The following HERC2 variants were observed in gnomAD, a reference collection of about 807,000 sequenced individuals.
The protein encoded by HERC2 is HECT and RLD domain containing E3 ubiquitin protein ligase 2.
A neutral mutation model predicts 537.7 loss-of-function variants in HERC2; 102 were observed. The observed-to-expected ratio is 0.19, with a 90% CI of 0.16 to 0.22. The LOEUF is 0.22. Ranked by LOEUF, HERC2 falls within the 10% of genes least tolerant of loss-of-function variation. HERC2 has a pLI of 1.00. For missense variants in HERC2, 4,236 were observed against 6,198.2 expected, an observed-to-expected ratio of 0.68 and a Z score of 10.63; for synonymous variants, 2,224 against 2,466.2, an observed-to-expected ratio of 0.90 and a Z score of 2.91.
intron 35 of HERC2, among the ~76,000 whole-genome samples, chr15:28,223,715 C>T (rs541343841): frequency 5.9e-5 from 9 of 152,328 alleles, no homozygotes; most frequent in Admixed American, 2.0e-4. Flanking sequence ...TGGATGTATA[C>T]ATTAAGCTGG....
rs1222467607 is a variant in HERC2 at position 28,322,129 on chromosome 15, A to C, written c.-86T>G. On this transcript the variant is annotated 5_prime_UTR_variant, in exon 1 of 93. Transcript: ENST00000261609. ...CGCCGGCGCGCGGACGCAGCCTCCCAAGAGCCGCTGGCTCAGCCGGCGCCC... is the reference window on the plus strand; with the variant it reads ...CGCCGGCGCGCGGACGCAGCCTCCCCAGAGCCGCTGGCTCAGCCGGCGCCC... The C allele has an allele frequency of 4.2e-5, 3 of 71,700 alleles. No homozygotes were observed. Among genetic ancestry groups the C allele is most frequent in the African/African-American group, 1.9e-4 (3 of 15,630 alleles). The allele number at this position is 71,700 out of a possible 1,614,324, so 4.4% of individuals were successfully genotyped here. A position where few individuals can be genotyped will look rare whatever the true frequency, so the allele number is the denominator to read the frequency against.
At position 28,299,383 on chromosome 15, in the gene HERC2, A is replaced by T. The variant is rs369820699; in HGVS notation, c.187+19T>A. ...TAATGGTCTTTACCAAATAAAAAAC[A>T]CTAGTTAAAGGCCCTTACCTTTTCT... On this transcript the variant is annotated intron_variant, in intron 3 of 92. Coordinates refer to ENST00000261609, the MANE Select transcript of HERC2 (RefSeq NM_004667.6). 49 of 1,037,310 alleles carry T rather than the reference A, an allele frequency of 4.7e-5. No individual in the cohort carries two copies. The highest frequency in any genetic ancestry group is 5.0e-4 in the Middle Eastern group (2 of 4,020). The allele number at this position is 1,037,310 out of a possible 1,614,324, so 64.3% of individuals were successfully genotyped here.
intron 23 of HERC2, among the ~76,000 whole-genome samples, chr15:28,239,997 G>C (rs1217741870): frequency 6.6e-6 from 1 of 152,112 alleles, no homozygotes; most frequent in Non-Finnish European, 1.5e-5. Context: ...AACATGGATT[G>C]CATGTTAGAT....
At chr15:28,295,062 A>G (rs1484087437) in intron 3 of HERC2, among the ~76,000 whole-genome samples, 7 of 151,700 alleles carry the variant, frequency 4.6e-5, no homozygotes, top group African/African-American at 1.2e-4. Flanking sequence ...TAAAACCACA[A>G]TGAGATCCCA....
intron 44 of HERC2, among the ~76,000 whole-genome samples, chr15:28,207,102 CA>C (rs2140382288): frequency 6.6e-6 from 1 of 151,672 alleles, no homozygotes; most frequent in African/African-American, 2.4e-5. Flanking sequence ...TTAGAGCCAG[CA>C]AATGCTCCTT....
chr15:28,292,206 G>A (rs1197963332), intron 4 of HERC2, among the ~76,000 whole-genome samples: 1 of 140,292 alleles, frequency 7.1e-6, no homozygotes, highest in Admixed American at 7.3e-5. Flanking sequence ...TCCAGCCTGG[G>A]CAACAAGAGC....
At chr15:28,307,094 C>T (rs1305184892) in intron 2 of HERC2, among the ~76,000 whole-genome samples, 3 of 152,244 alleles carry the variant, frequency 2.0e-5, no homozygotes, top group African/African-American at 7.2e-5. Context: ...CTCAGCCTCC[C>T]AAAGTGCTGG....
chr15:28,159,973 C>A (rs1295049917), intron 69 of HERC2, among the ~76,000 whole-genome samples: 1 of 152,228 alleles, frequency 6.6e-6, no homozygotes, highest in African/African-American at 2.4e-5. Context: ...AGCTGCAGGT[C>A]TGTTGGAGTT....
chr15:28,311,889 C>T (rs2076955476), intron 2 of HERC2, among the ~76,000 whole-genome samples: 1 of 151,976 alleles, frequency 6.6e-6, no homozygotes, highest in Non-Finnish European at 1.5e-5. Flanking sequence ...AAAAAAAAGC[C>T]AAAAGATGGA....
At position 28,114,667 on chromosome 15, in the gene HERC2, T is replaced by C. The variant is rs1335115516; in HGVS notation, c.13858A>G (p.Thr4620Ala). ...GCGCGGTTGTCCAGGGTGATGTGTG[T>C]GTGCTTGGAGCTCAACTGAATGTCC... ...GQDIQLSSKH[T>A]HITLDNRAEY... The change falls in exon 90 of 93, where the codon ACA (threonine) becomes GCA (alanine). Residue 4620 changes from threonine to alanine, a missense_variant. Physicochemically the swap from Thr to Ala is moderately conservative, Grantham distance 58 (BLOSUM62 0). Coordinates refer to ENST00000261609, the MANE Select transcript of HERC2 (RefSeq NM_004667.6). The C allele has an allele frequency of 1.9e-6, 3 of 1,613,964 alleles. No homozygotes were observed. The highest frequency in any genetic ancestry group is 1.6e-4 in the Middle Eastern group (1 of 6,078).
At chr15:28,185,689 C>A (rs1896242370) in intron 56 of HERC2, among the ~76,000 whole-genome samples, 1 of 152,178 alleles carries the variant, frequency 6.6e-6, no homozygotes, top group African/African-American at 2.4e-5. Flanking sequence ...CAGAAACGCC[C>A]TTGCCTGTCC....
At position 28,177,619 on chromosome 15, in the gene HERC2, G is replaced by T; in HGVS notation, c.9164-110C>A. The T allele has an allele frequency of 1.1e-6, 1 of 894,948 alleles. No individual in the cohort carries two copies. Among genetic ancestry groups the T allele is most frequent in the Non-Finnish European group, 1.8e-6 (1 of 546,132 alleles). 55.4% of individuals were successfully genotyped at this position (894,948 alleles called of 1,614,324 possible). On this transcript the variant is annotated intron_variant, in intron 59 of 92. Coordinates refer to ENST00000261609, the MANE Select transcript of HERC2 (RefSeq NM_004667.6). This position sits in a 1 kb window ranked among gnomAD's most constrained non-coding sequence, Gnocchi z 5.0. ...TATAGCACACACTCAATGAGCGTGA[G>T]CTGAATAAATGAGTAACTCAACAGG... is the stretch of plus-strand genomic sequence containing the variant.
At chr15:28,190,396 G>T (rs1199794309) in intron 55 of HERC2, 1 of 152,316 alleles carries the variant, frequency 6.6e-6, no homozygotes, top group South Asian at 2.1e-4. Flanking sequence ...ATGTGGAAAG[G>T]TTTACTAAAA....
chr15:28,188,580 T>TA (rs919933518), intron 55 of HERC2, among the ~76,000 whole-genome samples: 1 of 150,532 alleles, frequency 6.6e-6, no homozygotes, highest in Non-Finnish European at 1.5e-5. Flanking sequence ...AGAGGTGTGA[T>TA]AATGGTACCA....
At chr15:28,299,869 C>T (rs1423392910) in intron 2 of HERC2, among the ~76,000 whole-genome samples, 9 of 151,668 alleles carry the variant, frequency 5.9e-5, no homozygotes, top group African/African-American at 9.7e-5. Context: ...CTGGCCAACA[C>T]GGTGAAACCC....
rs2525899 is a variant in HERC2, at chr15:28,221,886, G to A, written c.5652+142C>T. On this transcript the variant is annotated intron_variant, in intron 36 of 92. Coordinates refer to ENST00000261609, the MANE Select transcript of HERC2 (RefSeq NM_004667.6). ...TTCCCTACTTGTGTTCACTCCCTTC[G>A]GCTGCTCGGGAACCAACACCTGTGT... is the stretch of plus-strand genomic sequence containing the variant. The A allele has an allele frequency of 3.0e-5, 24 of 788,350 alleles. 1 individual carries two copies. Among genetic ancestry groups the A allele is most frequent in the Middle Eastern group, 7.1e-4 (2 of 2,828 alleles). 48.8% of individuals were successfully genotyped at this position (788,350 alleles called of 1,614,324 possible).
At chr15:28,266,082 GCCAGTTTCACCTT>G in intron 12 of HERC2, 108 bp from the exon 13 acceptor site, 1 of 1,196,432 alleles carries the variant, frequency 8.4e-7, no homozygotes, top group South Asian at 1.5e-5. Context: ...ATAGCATCAG[GCCAGTTTCACCTT>G]CCAGGTACCT....
chr15:28,178,413 A>G (rs1895502253), intron 59 of HERC2, among the ~76,000 whole-genome samples: 1 of 152,254 alleles, frequency 6.6e-6, no homozygotes, highest in Admixed American at 6.5e-5. Context: ...TTTACAAAGG[A>G]GAAAAGTAAA....
At chr15:28,293,167 C>T in intron 3 of HERC2, 145 bp from the exon 4 acceptor site, 1 of 698,912 alleles carries the variant, frequency 1.4e-6, no homozygotes, top group Admixed American at 2.9e-5. Context: ...ATCAATCATA[C>T]CTGTAACAGA....
Sources: gnomAD v4.1 joint callset for allele counts (sites outside exome capture counted in the v4.1 genomes callset) on GRCh38, gnomAD v4.1.1 for gene constraint, Gnocchi (gnomAD v3.1) non-coding constraint, MANE v1.5 for transcripts, NCBI Gene and HGNC (gene_info 2026-07-23, HGNC 2026-07-21) for gene names.